Variants in EHBP1 observed in about 807,000 individuals in gnomAD.
EHBP1 encodes EH domain-binding protein 1.
A neutral mutation model predicts 144.0 loss-of-function variants in EHBP1; 55 were observed. The ratio of observed to expected loss-of-function variants is 0.38; its 90% CI spans 0.31 to 0.48. The LOEUF (loss-of-function observed/expected upper bound fraction) is 0.48. Ranked by LOEUF, EHBP1 falls within the 20% of genes least tolerant of loss-of-function variation. The pLI is 0.98. For missense variants in EHBP1, 1,200 were observed against 1,364.2 expected, an observed-to-expected ratio of 0.88 and a Z score of 1.90; for synonymous variants, 469 against 472.7, an observed-to-expected ratio of 0.99 and a Z score of 0.10.
chr2:62,684,384 A>AT (rs1370151557), intron 1 of EHBP1, among the ~76,000 whole-genome samples: 1 of 152,180 alleles, frequency 6.6e-6, no homozygotes, highest in African/African-American at 2.4e-5. Flanking sequence ...CTTCTGCTCC[A>AT]TTTTGGAGAT....
intron 2 of EHBP1, among the ~76,000 whole-genome samples, chr2:62,719,501 A>G (rs533145370): frequency 3.3e-5 from 5 of 152,334 alleles, no homozygotes; most frequent in Non-Finnish European, 7.3e-5. Context: ...AGAACTCACA[A>G]GGGAGCAAGA....
intron 19 of EHBP1, among the ~76,000 whole-genome samples, chr2:63,016,423 TG>T (rs1416490197): frequency 2.7e-5 from 4 of 148,728 alleles, no homozygotes; most frequent in Non-Finnish European, 6.0e-5. Flanking sequence ...GTTTTTTGTT[TG>T]TTTTTCTGTT....
chr2:62,685,687 CATA>C (rs1429456656), intron 1 of EHBP1, among the ~76,000 whole-genome samples: 1 of 152,114 alleles, frequency 6.6e-6, no homozygotes, highest in African/African-American at 2.4e-5. Flanking sequence ...CACATCAGTC[CATA>C]ATATCTGTTC....
intron 14 of EHBP1, among the ~76,000 whole-genome samples, chr2:62,967,706 A>C (rs1357774309): frequency 6.6e-6 from 1 of 152,202 alleles, no homozygotes; most frequent in Non-Finnish European, 1.5e-5. Flanking sequence ...AATGATGAAA[A>C]GACAATGTAT....
intron 1 of EHBP1, among the ~76,000 whole-genome samples, chr2:62,694,822 G>A (rs74682081): frequency 1.1e-3 from 175 of 152,180 alleles, no homozygotes; most frequent in Middle Eastern, 6.8e-3. Flanking sequence ...CTGGCAGCAG[G>A]ATACCTATCT....
intron 4 of EHBP1, among the ~76,000 whole-genome samples, chr2:62,767,614 C>T (rs1388070710): frequency 1.3e-5 from 2 of 151,910 alleles, no homozygotes; most frequent in African/African-American, 2.4e-5. Flanking sequence ...GCAAGGAGAT[C>T]GTTTGAGCTC....
chr2:62,943,403 G>A (rs1014610575), intron 11 of EHBP1, among the ~76,000 whole-genome samples: 5 of 141,742 alleles, frequency 3.5e-5, no homozygotes, highest in Non-Finnish European at 6.3e-5. Flanking sequence ...AAAAAAAATG[G>A]TTTTTCTCCT....
rs1339044052 is a variant in EHBP1 at position 62,948,378 on chromosome 2, A to G, written c.1532A>G (p.His511Arg). The G allele has an allele frequency of 2.5e-6, 4 of 1,613,930 alleles. No individual in the cohort carries two copies. Among genetic ancestry groups the G allele is most frequent in the Non-Finnish European group, 3.4e-6 (4 of 1,179,966 alleles). ...VMTYLYQIRA[H>R]FSGQELNVVQ... ...ACTTATCTCTATCAAATAAGGGCAC[A>G]TTTCAGTGGCCAAGAACTAAATGTC... The change falls in exon 13 of 23, where the codon CAT (histidine) becomes CGT (arginine). Residue 511 changes from histidine to arginine, a missense_variant. By Grantham distance (29) the His-to-Arg change is conservative (BLOSUM62 0). Transcript: ENST00000431489.
intron 10 of EHBP1, among the ~76,000 whole-genome samples, chr2:62,885,892 C>A (rs995643709): frequency 6.6e-5 from 10 of 152,252 alleles, no homozygotes; most frequent in Admixed American, 1.3e-4. Flanking sequence ...AAAATGGAAA[C>A]CCTATCTGTA....
At chr2:62,703,506 C>T (rs1038136515), upstream of EHBP1, among the ~76,000 whole-genome samples, 14 of 152,112 alleles carry the variant, frequency 9.2e-5, no homozygotes, top group African/African-American at 3.4e-4. Context: ...TGTAGGGCCT[C>T]CAGGAGACAG....
intron 8 of EHBP1, among the ~76,000 whole-genome samples, chr2:62,859,499 G>A (rs188679039): frequency 8.5e-5 from 13 of 152,276 alleles, no homozygotes; most frequent in South Asian, 6.2e-4. Flanking sequence ...AAAGCCTTAC[G>A]TAAACATTTA....
chr2:62,770,819 G>A (rs1373129681), intron 4 of EHBP1, among the ~76,000 whole-genome samples: 7 of 152,138 alleles, frequency 4.6e-5, no homozygotes, highest in African/African-American at 1.4e-4. Context: ...AATACTATGC[G>A]GCCATAAAAA....
intron 19 of EHBP1, among the ~76,000 whole-genome samples, chr2:63,008,594 A>G (rs2060139130): frequency 2.0e-5 from 3 of 148,848 alleles, no homozygotes; most frequent in Admixed American, 2.0e-4. Context: ...AGCAAAAGAT[A>G]TCTTTTTGTA....
At chr2:62,841,030 G>C (rs910965344) in intron 7 of EHBP1, among the ~76,000 whole-genome samples, 20 of 152,174 alleles carry the variant, frequency 1.3e-4, no homozygotes, top group Non-Finnish European at 2.2e-4. Flanking sequence ...GCTATAAAGA[G>C]ACATGCACAC....
At chr2:62,784,154 T>C (rs1359236643) in intron 5 of EHBP1, among the ~76,000 whole-genome samples, 2 of 152,204 alleles carry the variant, frequency 1.3e-5, no homozygotes, top group East Asian at 3.8e-4. Flanking sequence ...AACTACTAAT[T>C]AAATCACTAA....
intron 7 of EHBP1, among the ~76,000 whole-genome samples, chr2:62,843,545 G>A (rs903325552): frequency 1.3e-5 from 2 of 152,080 alleles, no homozygotes; most frequent in African/African-American, 4.8e-5. Context: ...TGATATTACA[G>A]TTTTTTTCTT....
At chr2:62,902,090 C>G (rs1193275654) in intron 10 of EHBP1, among the ~76,000 whole-genome samples, 1 of 152,054 alleles carries the variant, frequency 6.6e-6, no homozygotes, top group Non-Finnish European at 1.5e-5. Flanking sequence ...CCTGATAAAT[C>G]AAGTATTTCT....
chr2:62,681,378 A>ATATATAATGTGTATATATGTATATAT (rs1278575532), intron 1 of EHBP1, among the ~76,000 whole-genome samples: 9 of 115,654 alleles, frequency 7.8e-5, no homozygotes, highest in Non-Finnish European at 1.4e-4. Flanking sequence ...TATATGTATA[A>ATATATAATGTGTATATATGTATATAT]ATATATAATG....
At chr2:62,673,897 C>A in exon 1 of EHBP1, 1 of 394,272 alleles carries the variant, frequency 2.5e-6, no homozygotes, top group African/African-American at 2.1e-5. Context: ...CTCTCCCTCC[C>A]CAAAGAGAGA....
Sources: gnomAD v4.1 joint callset for allele counts (sites outside exome capture counted in the v4.1 genomes callset) on GRCh38, gnomAD v4.1.1 for gene constraint, MANE v1.5 for transcripts, NCBI Gene and HGNC (gene_info 2026-07-23, HGNC 2026-07-21) for gene names.